Variants in TBL1Y observed in about 807,000 individuals in gnomAD.
TBL1Y encodes the protein transducin beta like 1 Y-linked.
A neutral mutation model predicts 12.0 loss-of-function variants in TBL1Y; 15 were observed. The observed-to-expected ratio is 1.25, with a 90% CI of 0.83 to 1.92. The LOEUF is 1.92. Ranked by LOEUF, TBL1Y falls within the 40% of genes most tolerant of loss-of-function variation. TBL1Y has a pLI of 0.00. For synonymous variants in TBL1Y, 53 were observed against 42.6 expected (o/e 1.24, Z -0.95); for missense variants, 148 against 116.7 (o/e 1.27, Z -1.24).
intron 8 of TBL1Y, among the ~76,000 whole-genome samples, chrY:7,066,446 C>A: frequency 5.9e-5 from 2 of 33,622 alleles, no homozygotes; most frequent in African/African-American, 2.3e-4. Context: ...CTGCTCACTG[C>A]AGGCTCCACC....
chrY:7,025,339 A>G (rs2012618501), intron 6 of TBL1Y, among the ~76,000 whole-genome samples, 197 bp downstream of exon 6: 1 of 33,880 alleles, frequency 3.0e-5, no homozygotes, highest in African/African-American at 1.2e-4. Context: ...GGACTTTGTT[A>G]TCTCTACATG....
chrY:6,939,965 T>G, intron 2 of TBL1Y, among the ~76,000 whole-genome samples: 1 of 29,343 alleles, frequency 3.4e-5, no homozygotes, highest in African/African-American at 1.4e-4. Context: ...AATTCAGAAA[T>G]CTGGCTGGGC....
chrY:7,088,941 T>A, intron 17 of TBL1Y, among the ~76,000 whole-genome samples: 1 of 33,581 alleles, frequency 3.0e-5, no homozygotes, highest in African/African-American at 1.2e-4. Flanking sequence ...CATTAGTGAA[T>A]CATGAGTGAA....
At chrY:6,912,368 T>C (rs2011701748) in intron 2 of TBL1Y, among the ~76,000 whole-genome samples, 196 bp downstream of exon 2, 1 of 33,707 alleles carries the variant, frequency 3.0e-5, no homozygotes, top group African/African-American at 1.2e-4. Flanking sequence ...TGTTCATCAC[T>C]GGATCCATTT....
chrY:7,021,875 G>C, intron 5 of TBL1Y, among the ~76,000 whole-genome samples: 1 of 33,035 alleles, frequency 3.0e-5, no homozygotes, highest in African/African-American at 1.2e-4. Context: ...AATTATGCAG[G>C]CTTGTTAATT....
chrY:7,029,089 A>G (rs2012641165), intron 6 of TBL1Y, among the ~76,000 whole-genome samples: 1 of 33,124 alleles, frequency 3.0e-5, no homozygotes, highest in African/African-American at 1.2e-4. Context: ...TCCAAACTAT[A>G]AAGAAGACAT....
At chrY:7,008,030 A>G (rs1016536925) in intron 4 of TBL1Y, among the ~76,000 whole-genome samples, 1 of 33,227 alleles carries the variant, frequency 3.0e-5, no homozygotes, top group Admixed American at 2.8e-4. Flanking sequence ...TCACTCCAAG[A>G]TCATGCTGCT....
At chrY:7,062,974 C>G in intron 7 of TBL1Y, among the ~76,000 whole-genome samples, 1 of 33,597 alleles carries the variant, frequency 3.0e-5, no homozygotes, top group Non-Finnish European at 7.4e-5. Flanking sequence ...AGAGTAATCG[C>G]CACAGTATGT....
At chrY:6,914,126 G>A in intron 2 of TBL1Y, among the ~76,000 whole-genome samples, 3 of 33,355 alleles carry the variant, frequency 9.0e-5, no homozygotes, top group Admixed American at 8.4e-4. Flanking sequence ...GGCCAGGTAT[G>A]GTGGTTCATG....
chrY:6,912,970 T>C, intron 2 of TBL1Y, among the ~76,000 whole-genome samples: 1 of 33,083 alleles, frequency 3.0e-5, no homozygotes, highest in South Asian at 7.0e-4. Flanking sequence ...TTTTTTGCCT[T>C]TTAAGGTAAC....
chrY:7,022,571 A>T, intron 5 of TBL1Y, among the ~76,000 whole-genome samples: 1 of 33,601 alleles, frequency 3.0e-5, no homozygotes, highest in Non-Finnish European at 7.4e-5. Context: ...TTCATTCAGT[A>T]TAATGTTTTC....
At chrY:6,913,184 G>C in intron 2 of TBL1Y, among the ~76,000 whole-genome samples, 1 of 32,934 alleles carries the variant, frequency 3.0e-5, no homozygotes, top group South Asian at 7.0e-4. Flanking sequence ...TTTTACCCAA[G>C]GCTGATCAGT....
intron 2 of TBL1Y, among the ~76,000 whole-genome samples, chrY:6,915,144 C>CA (rs2011725872): frequency 6.0e-5 from 2 of 33,528 alleles, no homozygotes; most frequent in East Asian, 1.6e-3. Flanking sequence ...GTGCTTCTGT[C>CA]AGTAACAGTC....
At chrY:7,070,501 C>A (rs2124182957) in intron 9 of TBL1Y, among the ~76,000 whole-genome samples, 173 bp downstream of exon 9, 1 of 33,987 alleles carries the variant, frequency 2.9e-5, no homozygotes, top group South Asian at 6.7e-4. Context: ...TGTGAAGAAG[C>A]CTTAGTTCCG....
intron 2 of TBL1Y, among the ~76,000 whole-genome samples, chrY:6,961,132 C>G: frequency 3.0e-5 from 1 of 33,055 alleles, no homozygotes; most frequent in Non-Finnish European, 7.4e-5. Flanking sequence ...AGTGAGTGCC[C>G]GAATTAAGGG....
chrY:7,091,583 T>C lies in TBL1Y; in HGVS notation c.*91T>C. 5.3e-6 allele frequency: 1 copy of C among 188,364 alleles called. No individual in the cohort carries two copies. The highest frequency in any genetic ancestry group is 7.6e-5 in the South Asian group (1 of 13,191). The allele number at this position is 188,364 out of a possible 400,897, so 47.0% of individuals were successfully genotyped here. A position where few individuals can be genotyped will look rare whatever the true frequency, so the allele number is the denominator to read the frequency against. Reference sequence around the variant, plus strand: ...GCAGCTCTGTTCAAACACAATTCTATCAGCTCCAAAATGTGTGAACTTGAC... The same window carrying C: ...GCAGCTCTGTTCAAACACAATTCTACCAGCTCCAAAATGTGTGAACTTGAC... On this transcript the variant is annotated 3_prime_UTR_variant, in exon 19 of 19. Transcript: ENST00000383032.
At chrY:6,921,328 G>C in intron 2 of TBL1Y, among the ~76,000 whole-genome samples, 1 of 33,133 alleles carries the variant, frequency 3.0e-5, no homozygotes, top group African/African-American at 1.2e-4. Flanking sequence ...AGCAGGTGCA[G>C]ATGTGAGTTT....
intron 4 of TBL1Y, among the ~76,000 whole-genome samples, chrY:7,007,765 A>G: frequency 3.0e-5 from 1 of 33,370 alleles, no homozygotes; most frequent in Non-Finnish European, 7.4e-5. Flanking sequence ...GTTTGTGTTT[A>G]AGGTCTGAGA....
intron 2 of TBL1Y, among the ~76,000 whole-genome samples, chrY:6,931,451 A>G (rs959623004): frequency 4.1e-4 from 14 of 34,107 alleles, no homozygotes; most frequent in Admixed American, 8.0e-4. Context: ...TTGAATTACT[A>G]TCTATATAAT....
Sources: allele counts gnomAD v4.1 joint callset (sites outside exome capture counted in the v4.1 genomes callset), GRCh38; gene constraint gnomAD v4.1.1; transcripts MANE v1.5; gene names NCBI Gene and HGNC (gene_info 2026-07-23, HGNC 2026-07-21).